Variants in GALNT18 observed in about 807,000 individuals in gnomAD.
GALNT18 encodes the protein GalNAc-transferase 18.
A neutral mutation model predicts 69.5 loss-of-function variants in GALNT18; 44 were observed. The ratio of observed to expected loss-of-function variants is 0.63; its 90% CI spans 0.50 to 0.81. GALNT18 has a LOEUF of 0.81. GALNT18 is among the 40% of genes least tolerant of loss of function. The probability of loss-of-function intolerance (pLI) is 0.00; values close to 1 mark genes in which losing one functional copy is unlikely to be tolerated. For synonymous variants in GALNT18, 364 were observed against 318.2 expected (o/e 1.14, Z -1.53); for missense variants, 715 against 810.0 (o/e 0.88, Z 1.42).
intron 1 of GALNT18, among the ~76,000 whole-genome samples, chr11:11,539,328 T>C (rs137961108): frequency 1.3e-5 from 2 of 152,300 alleles, no homozygotes; most frequent in Admixed American, 1.3e-4. Flanking sequence ...CAGAGACAGA[T>C]GCTCAGACCA....
chr11:11,301,901 G>A lies in GALNT18; in HGVS notation c.1513-8708C>T, dbSNP rs1161433885. ...ACTCATGGCCAGGCTTATAACAGAT[G>A]AGTGGGCAGTGTGCTGGGGTGCCCC... On this transcript the variant is annotated intron_variant, in intron 9 of 10. Transcript: ENST00000227756. 2.0e-5 allele frequency among the ~76,000 whole-genome samples: 3 copies of A among 152,210 alleles called. No homozygotes were observed. In the East Asian group the frequency reaches 5.8e-4, roughly 29 times the overall value.
chr11:11,482,422 A>C (rs144741308), intron 1 of GALNT18, among the ~76,000 whole-genome samples: 80 of 152,380 alleles, frequency 5.3e-4, no homozygotes, highest in African/African-American at 1.8e-3. Flanking sequence ...GCCTCTGGGC[A>C]GATGGGTCAG....
At chr11:11,499,823 G>T (rs1856938707) in intron 1 of GALNT18, among the ~76,000 whole-genome samples, 1 of 152,128 alleles carries the variant, frequency 6.6e-6, no homozygotes, top group African/African-American at 2.4e-5. Context: ...GTTGGGGTTG[G>T]GGTGGCTCAC....
At chr11:11,509,008 C>T (rs1204346527) in intron 1 of GALNT18, among the ~76,000 whole-genome samples, 1 of 152,162 alleles carries the variant, frequency 6.6e-6, no homozygotes, top group Non-Finnish European at 1.5e-5. Flanking sequence ...CTGGCCCCAG[C>T]TCCCACCCCT....
At position 11,494,672 on chromosome 11, in the gene GALNT18, G is replaced by A. The variant is rs1419649658; in HGVS notation, c.236-45736C>T. Among the ~76,000 whole-genome samples, 2 of 152,174 alleles carry A rather than the reference G, an allele frequency of 1.3e-5. No homozygotes were observed. Among genetic ancestry groups the A allele is most frequent in the South Asian group, 2.1e-4 (1 of 4,820 alleles). On this transcript the variant is annotated intron_variant, in intron 1 of 10. Transcript: ENST00000227756. This position sits in a 1 kb window ranked among gnomAD's most constrained non-coding sequence, Gnocchi z 5.7. ...AGCCTTTTTTGCTTTTAAGTGCAGAGGATTGGGGTGGATTTGACAGCAGTT... is the reference window on the plus strand; with the variant it reads ...AGCCTTTTTTGCTTTTAAGTGCAGAAGATTGGGGTGGATTTGACAGCAGTT...
rs1459308782 is a variant in GALNT18 at position 11,271,272 on chromosome 11, G to A, written c.1696C>T (p.Arg566Cys). 15 of 1,613,926 alleles carry A rather than the reference G, an allele frequency of 9.3e-6. 1 individual carries two copies. The highest frequency in any genetic ancestry group is 1.6e-4 in the Middle Eastern group (1 of 6,078). The change falls in exon 11 of 11, where the codon CGC becomes TGC. Residue 566 changes from arginine to cysteine, a missense_variant. Arg to Cys is a radical substitution (Grantham distance 180, BLOSUM62 -3). Transcript: ENST00000227756. ...AGCTCCAGACAGCGCTTAGACTTGC[G>A]GTTCTGGATGGGTCCTCCCTAGGGG... ...QFSQGGPIQN[R>C]KSKRCLELQE...
intron 1 of GALNT18, among the ~76,000 whole-genome samples, chr11:11,527,839 A>G (rs1180143933): frequency 6.6e-5 from 10 of 152,302 alleles, no homozygotes; most frequent in Admixed American, 6.5e-4. Flanking sequence ...ATAGTAAGAG[A>G]CTGTTAAACT....
At position 11,511,001 on chromosome 11, in the gene GALNT18, A is replaced by T. The variant is rs1357122446; in HGVS notation, c.236-62065T>A. ...TGGTGCCCGGACAGACACAACCGGCACTCTTTCCTCTCGGCGGGGCGTGCA... is the reference window on the plus strand; with the variant it reads ...TGGTGCCCGGACAGACACAACCGGCTCTCTTTCCTCTCGGCGGGGCGTGCA... On this transcript the variant is annotated intron_variant, in intron 1 of 10. Transcript: ENST00000227756. This position sits in a 1 kb window ranked among gnomAD's most constrained non-coding sequence, Gnocchi z 4.9. 4.7e-5 allele frequency among the ~76,000 whole-genome samples: 7 copies of T among 150,010 alleles called. No individual in the cohort carries two copies. Among genetic ancestry groups the T allele is most frequent in the African/African-American group, 1.7e-4 (7 of 40,690 alleles).
At chr11:11,399,495 T>C (rs1854413486) in intron 3 of GALNT18, among the ~76,000 whole-genome samples, 2 of 152,168 alleles carry the variant, frequency 1.3e-5, no homozygotes, top group South Asian at 2.1e-4. Context: ...AGTCAATAAA[T>C]ACATCACATT....
chr11:11,278,993 T>C (rs1849009059), intron 10 of GALNT18, among the ~76,000 whole-genome samples: 1 of 152,218 alleles, frequency 6.6e-6, no homozygotes, highest in Non-Finnish European at 1.5e-5. Flanking sequence ...ATGTACCCAT[T>C]GATGTAGTCT....
At chr11:11,571,859 T>G (rs1180632282) in intron 1 of GALNT18, among the ~76,000 whole-genome samples, 1 of 152,242 alleles carries the variant, frequency 6.6e-6, no homozygotes, top group Non-Finnish European at 1.5e-5. Context: ...AGTATCTGCC[T>G]GGCTACAGAC....
Position 11,419,619 on chromosome 11 carries a change from A to AAAAGAAAG in GALNT18, c.595+12994_595+13001dup, listed in dbSNP as rs56198103. On this transcript the variant is annotated intron_variant, in intron 3 of 10. Coordinates refer to ENST00000227756, the MANE Select transcript of GALNT18 (RefSeq NM_198516.3). ...CTCAAAAAAAAAAAAAAAAAAAAAA[A>AAAAGAAAG]AAAGAAAGAAGGAAAAGAAACCATG... 4.3e-3 allele frequency among the ~76,000 whole-genome samples: 556 copies of AAAAGAAAG among 128,392 alleles called. 29 individuals carry two copies. In the East Asian group the frequency reaches 0.066, roughly 15 times the overall value. The allele number at this position is 128,392 out of a possible 152,430, so 84.2% of individuals were successfully genotyped here. A position where few individuals can be genotyped will look rare whatever the true frequency, so the allele number is the denominator to read the frequency against.
rs907982520 is a variant in GALNT18 at position 11,443,883 on chromosome 11, C to T, written c.428+4861G>A. On this transcript the variant is annotated intron_variant, in intron 2 of 10. Transcript: ENST00000227756. ...GAGGATGAATGGCATTTTGATTTCC[C>T]CAGGAGCCAAGGGGCCTGGATCCTT... Among the ~76,000 whole-genome samples, 6 of 152,320 alleles carry T rather than the reference C, an allele frequency of 3.9e-5. No homozygotes were observed. In the East Asian group the frequency reaches 5.8e-4, roughly 15 times the overall value.
chr11:11,435,798 C>G lies in GALNT18; in HGVS notation c.429-3011G>C, dbSNP rs181816677. On this transcript the variant is annotated intron_variant, in intron 2 of 10. Coordinates refer to ENST00000227756, the MANE Select transcript of GALNT18 (RefSeq NM_198516.3). The surrounding 1 kb of genome is among the most constrained non-coding windows in gnomAD (Gnocchi z 4.4). ...GGAGAGTCAGGTCCCGGTCCTCCCG[C>G]CGACCAGCAGGCTCCTGTTCTCCCA... Among the ~76,000 whole-genome samples, 7 of 152,334 alleles carry G rather than the reference C, an allele frequency of 4.6e-5. No homozygotes were observed. In the East Asian group the frequency reaches 5.8e-4, roughly 13 times the overall value.
chr11:11,597,970 G>A (rs1859542673), intron 1 of GALNT18, among the ~76,000 whole-genome samples: 1 of 151,922 alleles, frequency 6.6e-6, no homozygotes, highest in Non-Finnish European at 1.5e-5. Flanking sequence ...AATAATTTGA[G>A]TATTCTTTTT....
At chr11:11,554,793 T>C (rs1461299469) in intron 1 of GALNT18, among the ~76,000 whole-genome samples, 4 of 152,122 alleles carry the variant, frequency 2.6e-5, no homozygotes, top group Non-Finnish European at 2.9e-5. Flanking sequence ...CTAGACACTC[T>C]ACTTATGGAA....
intron 6 of GALNT18, among the ~76,000 whole-genome samples, chr11:11,343,800 T>G (rs1850252401): frequency 6.6e-6 from 1 of 152,214 alleles, no homozygotes; most frequent in African/African-American, 2.4e-5. Flanking sequence ...GACCTGCTTC[T>G]TAAAGAGTAG....
Position 11,546,356 on chromosome 11 carries a change from G to A in GALNT18, c.235+75003C>T, listed in dbSNP as rs894877911. Among the ~76,000 whole-genome samples the A allele has an allele frequency of 3.3e-5, 5 of 152,116 alleles. No individual in the cohort carries two copies. Among genetic ancestry groups the A allele is most frequent in the Non-Finnish European group, 5.9e-5 (4 of 68,024 alleles). On this transcript the variant is annotated intron_variant, in intron 1 of 10. Coordinates refer to ENST00000227756, the MANE Select transcript of GALNT18 (RefSeq NM_198516.3). The surrounding 1 kb of genome is among the most constrained non-coding windows in gnomAD (Gnocchi z 5.8). The stretch of plus-strand genomic sequence containing the variant: ...CCATGCACTAGATCCTGCCACTGCT[G>A]CCTCTTTATTCTCTCCATTTCTGCC...
At chr11:11,327,876 T>A (rs1849952352) in intron 8 of GALNT18, among the ~76,000 whole-genome samples, 1 of 152,208 alleles carries the variant, frequency 6.6e-6, no homozygotes. Flanking sequence ...ATAGACCTCA[T>A]GGCCCTGCTC....
Sources: allele counts gnomAD v4.1 joint callset (sites outside exome capture counted in the v4.1 genomes callset), GRCh38; gene constraint gnomAD v4.1.1; non-coding constraint Gnocchi (gnomAD v3.1); transcripts MANE v1.5; gene names NCBI Gene and HGNC (gene_info 2026-07-23, HGNC 2026-07-21).